EML1: variants seen among roughly 807,000 people sequenced by gnomAD.
EML1 encodes echinoderm microtubule-associated protein-like 1.
Under a neutral mutation model 110.4 loss-of-function variants are expected in EML1, and 27 were observed. The observed-to-expected ratio is 0.24, with a 90% CI of 0.18 to 0.34. The LOEUF is 0.34. Among genes scored for constraint, EML1 ranks in the 10% least tolerant of loss-of-function variants. The probability of loss-of-function intolerance (pLI) is 1.00; values close to 1 mark genes in which losing one functional copy is unlikely to be tolerated. For synonymous variants in EML1, 344 were observed against 385.8 expected, an observed-to-expected ratio of 0.89 and a Z score of 1.27; for missense variants, 741 against 1,030.9, an observed-to-expected ratio of 0.72 and a Z score of 3.85.
intron 1 of EML1, among the ~76,000 whole-genome samples, chr14:99,764,932 GTGT>G (rs779994292): frequency 1.3e-4 from 20 of 152,082 alleles, no homozygotes; most frequent in Non-Finnish European, 2.2e-4. Flanking sequence ...GTTGTTGTTG[GTGT>G]TGTTGTTGTT....
upstream of EML1, among the ~76,000 whole-genome samples, chr14:99,790,119 C>G (rs1237106749): frequency 6.6e-6 from 1 of 152,056 alleles, no homozygotes; most frequent in Non-Finnish European, 1.5e-5. Flanking sequence ...GAGCAATGAT[C>G]TTCTTTATCA....
chr14:99,748,234 G>A (rs1409257060), intron 1 of EML1, among the ~76,000 whole-genome samples: 2 of 152,100 alleles, frequency 1.3e-5, no homozygotes, highest in Non-Finnish European at 2.9e-5. Context: ...GCCCCTGCCC[G>A]CAGCCCCAGG....
intron 17 of EML1, among the ~76,000 whole-genome samples, chr14:99,932,390 C>A (rs1184344862): frequency 3.9e-5 from 6 of 152,152 alleles, no homozygotes; most frequent in Non-Finnish European, 8.8e-5. Flanking sequence ...GTAATCCCAG[C>A]ACTTTGGGAG....
At chr14:99,799,753 T>G (rs547052172) in intron 1 of EML1, among the ~76,000 whole-genome samples, 1 of 152,370 alleles carries the variant, frequency 6.6e-6, no homozygotes, top group African/African-American at 2.4e-5. Flanking sequence ...TGTAAACCTT[T>G]TCACATATTC....
In EML1 at chr14:99,898,262, T is replaced by C; in HGVS notation, c.857T>C (p.Ile286Thr). 6.2e-7 allele frequency: 1 copy of C among 1,611,814 alleles called. No individual in the cohort carries two copies. Among genetic ancestry groups the C allele is most frequent in the Non-Finnish European group, 8.5e-7 (1 of 1,178,526 alleles). ...CLAVHPDRIT[I>T]ATGQVAGTSK... ...GCAGTTCATCCTGATCGGATCACGA[T>C]AGCAACAGGACAAGTTGCGGGCACA... The change falls in exon 8 of 22, where the codon ATA becomes ACA. Residue 286 changes from isoleucine (I) to threonine (T), a missense_variant. Ile to Thr is a moderately conservative substitution (Grantham distance 89, BLOSUM62 -1). Around this residue, in one of 4 missense-constraint regions of EML1, gnomAD observed 388 missense variants for 605.6 expected, o/e 0.64. Coordinates refer to ENST00000262233, the MANE Select transcript of EML1 (RefSeq NM_004434.3).
At chr14:99,849,831 A>G (rs995209005) in intron 1 of EML1, among the ~76,000 whole-genome samples, 7 of 151,968 alleles carry the variant, frequency 4.6e-5, no homozygotes, top group African/African-American at 1.7e-4. Flanking sequence ...TACAGACATG[A>G]GCCACGGCAC....
chr14:99,823,851 C>T (rs745476989), intron 1 of EML1, among the ~76,000 whole-genome samples: 10 of 152,150 alleles, frequency 6.6e-5, no homozygotes, highest in Non-Finnish European at 1.5e-4. Flanking sequence ...GAGTCAGGCG[C>T]CATTTCCTCC....
Position 99,936,321 on chromosome 14 carries a change from C to T in EML1, c.2082C>T (p.Tyr694=), listed in dbSNP as rs755251254. Residue 694 remains tyrosine (Y), a synonymous_variant, in exon 19 of 22, where the codon TAC becomes TAT. Transcript: ENST00000262233. This position sits in a 1 kb window ranked among gnomAD's most constrained non-coding sequence, Gnocchi z 5.5. ...TCCTCGTGTCAAATTCCGGAGACTA[C>T]GAAATCCTCTACTGTGAGTACCACC... The part of the protein sequence containing the change: ...SQFLVSNSGD[Y]EILYWVPSAC... 1.4e-5 allele frequency: 22 copies of T among 1,613,386 alleles called. No homozygotes were observed. In the Admixed American group the frequency reaches 2.2e-4, roughly 16 times the overall value.
chr14:99,885,125 G>A (rs1387236512), intron 4 of EML1, among the ~76,000 whole-genome samples: 1 of 152,222 alleles, frequency 6.6e-6, no homozygotes, highest in Non-Finnish European at 1.5e-5. Context: ...CACAGCACTT[G>A]GTGAACATGA....
chr14:99,791,976 C>T (rs965711383), upstream of EML1, among the ~76,000 whole-genome samples: 1 of 152,258 alleles, frequency 6.6e-6, no homozygotes, highest in African/African-American at 2.4e-5. Flanking sequence ...GTCAAACCCG[C>T]AGCACCTGTG....
intron 6 of EML1, among the ~76,000 whole-genome samples, chr14:99,895,412 A>G (rs1344291026): frequency 6.6e-6 from 1 of 152,142 alleles, no homozygotes; most frequent in East Asian, 1.9e-4. Context: ...TACTTAGTCA[A>G]CTCTTCAGGG....
chr14:99,816,132 G>A (rs2058163113), intron 1 of EML1, among the ~76,000 whole-genome samples: 2 of 152,202 alleles, frequency 1.3e-5, no homozygotes, highest in Non-Finnish European at 2.9e-5. Flanking sequence ...TGTGGTCAGA[G>A]AGATCCGACT....
At chr14:99,865,743 T>G in intron 3 of EML1, 97 bp downstream of exon 3, 1 of 1,432,706 alleles carries the variant, frequency 7.0e-7, no homozygotes, top group Non-Finnish European at 9.3e-7. Flanking sequence ...GTACAATTTC[T>G]TCTGTGAGTT....
chr14:99,769,235 G>C (rs147064347), upstream of EML1, among the ~76,000 whole-genome samples: 67 of 152,254 alleles, frequency 4.4e-4, no homozygotes, highest in South Asian at 8.1e-3. Context: ...CCATCTCCTC[G>C]GTCAAGTCAG....
At chr14:99,842,258 G>C (rs1035720082) in intron 1 of EML1, among the ~76,000 whole-genome samples, 1 of 152,226 alleles carries the variant, frequency 6.6e-6, no homozygotes, top group African/African-American at 2.4e-5. Flanking sequence ...AATGGTTTGT[G>C]TTGGTTAAAG....
chr14:99,871,208 C>T (rs1461628420), intron 3 of EML1, among the ~76,000 whole-genome samples: 3 of 152,202 alleles, frequency 2.0e-5, no homozygotes, highest in Non-Finnish European at 4.4e-5. Flanking sequence ...CTGCCCTCCT[C>T]GGCCTCTCAA....
At chr14:99,831,931 A>G (rs1174388896) in intron 1 of EML1, among the ~76,000 whole-genome samples, 1 of 152,072 alleles carries the variant, frequency 6.6e-6, no homozygotes, top group African/African-American at 2.4e-5. Context: ...GCATATTTAA[A>G]TGAACAATTT....
At chr14:99,787,728 C>A (rs2057616624) in intron 1 of EML1, among the ~76,000 whole-genome samples, 1 of 152,166 alleles carries the variant, frequency 6.6e-6, no homozygotes. Context: ...GGGCTGGATC[C>A]TTCTGTGGCC....
At chr14:99,924,690 G>A (rs2060202049) in intron 17 of EML1, among the ~76,000 whole-genome samples, 1 of 151,962 alleles carries the variant, frequency 6.6e-6, no homozygotes, top group African/African-American at 2.4e-5. Context: ...TTTTTCTGAG[G>A]AGAAAAAGCA....
Sources: gnomAD v4.1 joint callset for allele counts (sites outside exome capture counted in the v4.1 genomes callset) on GRCh38, gnomAD v4.1.1 for gene constraint, gnomAD v4.1.1 regional missense constraint, Gnocchi (gnomAD v3.1) non-coding constraint, MANE v1.5 for transcripts, NCBI Gene and HGNC (gene_info 2026-07-23, HGNC 2026-07-21) for gene names.